Variants in RANBP2 observed in about 807,000 individuals in gnomAD.
RANBP2 encodes E3 SUMO-protein ligase RanBP2.
Under a neutral mutation model 303.6 loss-of-function variants are expected in RANBP2, and 57 were observed. That is an observed-to-expected ratio of 0.19 (90% CI 0.15 to 0.23). The LOEUF (loss-of-function observed/expected upper bound fraction) is 0.23, where lower values mean the gene tolerates loss of function less well. Among genes scored for constraint, RANBP2 ranks in the 10% least tolerant of loss-of-function variants. The pLI is 1.00. For missense variants in RANBP2, 3,138 were observed against 3,780.8 expected, an observed-to-expected ratio of 0.83 and a Z score of 4.46; for synonymous variants, 1,167 against 1,301.5, an observed-to-expected ratio of 0.90 and a Z score of 2.23.
chr2:108,787,535 TA>T (rs559766680), downstream of RANBP2, among the ~76,000 whole-genome samples: 422 of 152,330 alleles, frequency 2.8e-3, 1 homozygote, highest in Non-Finnish European at 4.7e-3. Flanking sequence ...ATTGGTATAA[TA>T]TTTGGTAATC....
the RANBP2 span, among the ~76,000 whole-genome samples, chr2:109,596,565 AG>A: frequency 2.6e-5 from 4 of 151,950 alleles, no homozygotes; most frequent in Non-Finnish European, 5.9e-5. Context: ...TGCAGTGAGC[AG>A]AGATCGCGCC....
chr2:109,413,576 T>C, the RANBP2 span, among the ~76,000 whole-genome samples: 1 of 152,202 alleles, frequency 6.6e-6, no homozygotes, highest in Non-Finnish European at 1.5e-5. Context: ...CGCTCTAGAA[T>C]GGAGAACAGC....
At chr2:109,523,909 T>A in the RANBP2 span, among the ~76,000 whole-genome samples, 4,377 of 152,280 alleles carry the variant, frequency 0.029, 221 homozygotes, top group African/African-American at 0.099. Context: ...CTGACTGCCG[T>A]GGTTCCTACC....
the RANBP2 span, among the ~76,000 whole-genome samples, chr2:109,126,840 G>A: frequency 6.6e-6 from 1 of 152,166 alleles, no homozygotes; most frequent in East Asian, 1.9e-4. Flanking sequence ...AAAAGCACCA[G>A]GGCATGTCGT....
the RANBP2 span, chr2:108,896,565 T>G: frequency 3.8e-6 from 1 of 266,608 alleles, no homozygotes; most frequent in Non-Finnish European, 7.2e-6. Flanking sequence ...GATTCTTCAC[T>G]TCTGTCATTC....
chr2:108,979,200 G>A, the RANBP2 span, among the ~76,000 whole-genome samples: 3 of 152,166 alleles, frequency 2.0e-5, no homozygotes, highest in African/African-American at 7.2e-5. Flanking sequence ...TTAAGGAACA[G>A]CTCTTTCTTG....
At chr2:108,794,193 G>A in the RANBP2 span, among the ~76,000 whole-genome samples, 1 of 152,128 alleles carries the variant, frequency 6.6e-6, no homozygotes, top group African/African-American at 2.4e-5. Flanking sequence ...TTGCATTAGT[G>A]GTAAATTTGG....
chr2:109,492,584 A>G, the RANBP2 span, among the ~76,000 whole-genome samples: 2 of 151,742 alleles, frequency 1.3e-5, no homozygotes, highest in African/African-American at 4.8e-5. Flanking sequence ...AGTCTCAGTG[A>G]ACCTTCCCAC....
the RANBP2 span, among the ~76,000 whole-genome samples, chr2:108,979,467 TCACACA>T: frequency 0.034 from 5,003 of 147,066 alleles, 271 homozygotes; most frequent in African/African-American, 0.1. Flanking sequence ...TCTCTCTCTC[TCACACA>T]CACACACACA....
chr2:109,720,874 G>T, the RANBP2 span, among the ~76,000 whole-genome samples: 1 of 152,144 alleles, frequency 6.6e-6, no homozygotes, highest in Non-Finnish European at 1.5e-5. Context: ...ATTGTCACTG[G>T]CCCAGCTTCA....
At chr2:108,728,093 GTACT>G (rs1466890996) in intron 1 of RANBP2, among the ~76,000 whole-genome samples, 3 of 152,262 alleles carry the variant, frequency 2.0e-5, no homozygotes, top group South Asian at 2.1e-4. Context: ...TAGATCCTAA[GTACT>G]TACTTATTCT....
At chr2:108,792,485 A>G in the RANBP2 span, among the ~76,000 whole-genome samples, 13 of 152,182 alleles carry the variant, frequency 8.5e-5, no homozygotes, top group African/African-American at 1.4e-4. Flanking sequence ...AAAAGCCACA[A>G]TGACTTTTGC....
At chr2:108,978,412 C>T in the RANBP2 span, among the ~76,000 whole-genome samples, 4 of 152,076 alleles carry the variant, frequency 2.6e-5, no homozygotes, top group Non-Finnish European at 4.4e-5. Context: ...CAAACTTGGT[C>T]GACTCTGCGT....
At chr2:108,842,471 C>G in the RANBP2 span, among the ~76,000 whole-genome samples, 12 of 152,058 alleles carry the variant, frequency 7.9e-5, no homozygotes, top group Non-Finnish European at 1.5e-4. Flanking sequence ...GGCAAGTGCC[C>G]TTATTGGAGT....
At chr2:109,216,615 A>G in the RANBP2 span, among the ~76,000 whole-genome samples, 1 of 152,184 alleles carries the variant, frequency 6.6e-6, no homozygotes, top group Non-Finnish European at 1.5e-5. Flanking sequence ...ATGGCCAGCC[A>G]TGCTCTGTAG....
chr2:109,332,138 C>G, the RANBP2 span, among the ~76,000 whole-genome samples: 1 of 152,176 alleles, frequency 6.6e-6, no homozygotes, highest in South Asian at 2.1e-4. Flanking sequence ...GTAAAGAGCA[C>G]CAGAGAGGCG....
chr2:109,443,995 A>C, the RANBP2 span, among the ~76,000 whole-genome samples: 4 of 152,336 alleles, frequency 2.6e-5, no homozygotes, highest in Admixed American at 2.6e-4. Flanking sequence ...CTGGGCCATG[A>C]TATTTTTAAG....
chr2:108,850,181 A>G, the RANBP2 span, among the ~76,000 whole-genome samples: 2 of 151,966 alleles, frequency 1.3e-5, no homozygotes, highest in African/African-American at 4.8e-5. Context: ...CATAAGAAAA[A>G]CTCTTAAATC....
chr2:109,241,636 C>T, the RANBP2 span, among the ~76,000 whole-genome samples: 1 of 152,124 alleles, frequency 6.6e-6, no homozygotes. Flanking sequence ...CCCTGGGACT[C>T]TCTGTCTCCC....
Sources: allele counts gnomAD v4.1 joint callset (sites outside exome capture counted in the v4.1 genomes callset), GRCh38; gene constraint gnomAD v4.1.1; transcripts MANE v1.5; gene names NCBI Gene and HGNC (gene_info 2026-07-23, HGNC 2026-07-21).